Variants in PITRM1 observed in about 807,000 individuals in gnomAD.
PITRM1 encodes the protein pitrilysin metallopeptidase 1.
PITRM1 carries 100 observed loss-of-function variants against 129.9 expected under a neutral mutation model. That is an observed-to-expected ratio of 0.77 (90% CI 0.65 to 0.91). The LOEUF (loss-of-function observed/expected upper bound fraction) is 0.91. Ranked by LOEUF, PITRM1 falls within the 40% of genes least tolerant of loss-of-function variation. The probability of loss-of-function intolerance (pLI) is 0.00; values close to 1 mark genes in which losing one functional copy is unlikely to be tolerated. For missense variants in PITRM1, 1,471 were observed against 1,318.3 expected, an observed-to-expected ratio of 1.12 and a Z score of -1.79; for synonymous variants, 591 against 508.8, an observed-to-expected ratio of 1.16 and a Z score of -2.17.
At chr10:3,160,527 A>G (rs997521794) in intron 7 of PITRM1, among the ~76,000 whole-genome samples, 197 bp from the exon 8 acceptor site, 1 of 152,208 alleles carries the variant, frequency 6.6e-6, no homozygotes, top group East Asian at 1.9e-4. Context: ...AACTTATTAC[A>G]GTATATTGTT....
intron 6 of PITRM1, 104 bp from the exon 7 acceptor site, chr10:3,163,989 G>T: frequency 8.6e-5 from 47 of 545,418 alleles, no homozygotes; most frequent in Middle Eastern, 5.4e-4. Context: ...GCATACACCT[G>T]TAATACTTTG....
intron 9 of PITRM1, 135 bp downstream of exon 9, chr10:3,159,713 C>A: frequency 1.8e-6 from 1 of 552,426 alleles, no homozygotes; most frequent in South Asian, 2.8e-5. Context: ...TTCTCTATTC[C>A]TAAAATCCAC....
At chr10:3,156,037 T>C (rs1841955654) in intron 13 of PITRM1, among the ~76,000 whole-genome samples, 1 of 152,244 alleles carries the variant, frequency 6.6e-6, no homozygotes, top group African/African-American at 2.4e-5. Flanking sequence ...CATTACATCT[T>C]AGTTGTAAAA....
At position 3,167,005 on chromosome 10, in the gene PITRM1, T is replaced by G; in HGVS notation, c.197A>C (p.Lys66Thr). Residue 66 changes from lysine (K) to threonine (T), a missense_variant, in exon 3 of 27, where the codon AAG (lysine) becomes ACG (threonine). By Grantham distance (78) the Lys-to-Thr change is moderately conservative. Coordinates refer to ENST00000224949, the MANE Select transcript of PITRM1 (RefSeq NM_014889.4). ...SVPELFLTAV[K>T]LTHDDTGARY... ...GGCTCCTGTGTCATCATGGGTGAGC[T>G]TCACTGCAGTCAGGAACAGCTCGGG... The G allele has an allele frequency of 1.9e-6, 3 of 1,610,518 alleles. No homozygotes were observed. Among genetic ancestry groups the G allele is most frequent in the Non-Finnish European group, 2.5e-6 (3 of 1,178,242 alleles).
chr10:3,143,422 C>G lies in PITRM1; in HGVS notation c.2612G>C (p.Arg871Pro). 6.2e-7 allele frequency: 1 copy of G among 1,613,148 alleles called. No individual in the cohort carries two copies. The highest frequency in any genetic ancestry group is 8.5e-7 in the Non-Finnish European group (1 of 1,179,130). ...FPVNYVGECI[R>P]TVPYTDPDHA... ...ATCTGGGTCCGTGTAGGGGACAGTT[C>G]GGATGCATTCACCCACGTAATTCAC... Residue 871 changes from arginine to proline, a missense_variant, in exon 23 of 27, where the codon CGA becomes CCA. Arg to Pro is a moderately radical substitution (Grantham distance 103). Coordinates refer to ENST00000224949, the MANE Select transcript of PITRM1 (RefSeq NM_014889.4).
intron 2 of PITRM1, 109 bp downstream of exon 2, chr10:3,169,995 C>A (rs758502057): frequency 1.4e-6 from 1 of 723,392 alleles, no homozygotes; most frequent in Non-Finnish European, 2.3e-6. Context: ...GGCCTTGGGA[C>A]ACAAGGACAA....
At chr10:3,144,680 C>G (rs904621919) in intron 21 of PITRM1, among the ~76,000 whole-genome samples, 3 of 152,114 alleles carry the variant, frequency 2.0e-5, no homozygotes, top group African/African-American at 7.2e-5. Flanking sequence ...TGGTGCACAC[C>G]TGTAGCCCCA....
chr10:3,164,128 G>C, intron 6 of PITRM1: 1 of 242,996 alleles, frequency 4.1e-6, no homozygotes, highest in Non-Finnish European at 7.9e-6. Flanking sequence ...TGGATTTTTT[G>C]ATGTGTGGTG....
At chr10:3,169,728 G>C (rs142408469) in intron 2 of PITRM1, among the ~76,000 whole-genome samples, 7 of 152,210 alleles carry the variant, frequency 4.6e-5, no homozygotes, top group Non-Finnish European at 1.0e-4. Flanking sequence ...TTCTGCGGAC[G>C]TTTAGAGCAA....
At chr10:3,148,629 C>G (rs1374757634) in intron 16 of PITRM1, 2 of 225,054 alleles carry the variant, frequency 8.9e-6, no homozygotes, top group Non-Finnish European at 1.8e-5. Context: ...ATGACTACTC[C>G]CTACTCTCTT....
chr10:3,166,375 T>TGAACGCTAGGGAAGAGAGAGGAATG lies in PITRM1; in HGVS notation c.271_272insCATTCCTCTCTCTTCCCTAGCGTTC (p.Gln91ProfsTer7). The TGAACGCTAGGGAAGAGAGAGGAATG allele has an allele frequency of 7.1e-7, 1 of 1,413,946 alleles. No homozygotes were observed. The allele number at this position is 1,413,946 out of a possible 1,614,324, so 87.6% of individuals were successfully genotyped here. A position where few individuals can be genotyped will look rare whatever the true frequency, so the allele number is the denominator to read the frequency against. The stretch of plus-strand genomic sequence containing the variant: ...ACTGTCCATGGGAGTAGTACGGAAC[T>TGAACGCTAGGGAAGAGAGAGGAATG]GCACGCTAGGGAAGGAGAATGACCA... On this transcript the variant is annotated stop_gained and frameshift_variant, in exon 4 of 27. Coordinates refer to ENST00000224949, the MANE Select transcript of PITRM1 (RefSeq NM_014889.4). LOFTEE classifies it high-confidence loss of function.
At position 3,138,255 on chromosome 10, in the gene PITRM1, C is replaced by G; in HGVS notation, c.3000G>C (p.Lys1000Asn). ...REQLFAVSHD[K>N]LLAVSDRYLG... ...CTCACCTATCGCTCACGGCCAGGAGCTTGTCGTGGCTGACAGCAAAGAGCT... is the reference window on the plus strand; with the variant it reads ...CTCACCTATCGCTCACGGCCAGGAGGTTGTCGTGGCTGACAGCAAAGAGCT... The change falls in exon 26 of 27, where the codon AAG becomes AAC. Residue 1000 changes from lysine to asparagine, a missense_variant. Transcript: ENST00000224949. The G allele has an allele frequency of 6.2e-7, 1 of 1,613,386 alleles. No homozygotes were observed.
chr10:3,150,554 C>A (rs7071887), intron 15 of PITRM1, among the ~76,000 whole-genome samples: 23,973 of 152,102 alleles, frequency 0.16, 1,934 homozygotes, highest in Non-Finnish European at 0.17. Context: ...AGCCATGCTG[C>A]CCTCAGCTCA....
chr10:3,144,217 C>T lies in PITRM1; in HGVS notation c.2532+75G>A, dbSNP rs569516630. 2.5e-4 allele frequency: 202 copies of T among 821,272 alleles called. No homozygotes were observed. In the African/African-American group the frequency reaches 3.0e-3, roughly 12 times the overall value. The allele number at this position is 821,272 out of a possible 1,614,324, so 50.9% of individuals were successfully genotyped here. Reference sequence around the variant, plus strand: ...ACAGACAGGCGGACGGAGGAACATTCGAACATCAGTGGCAGACACAGCCAT... The same window carrying T: ...ACAGACAGGCGGACGGAGGAACATTTGAACATCAGTGGCAGACACAGCCAT... On this transcript the variant is annotated intron_variant, in intron 22 of 26. Transcript: ENST00000224949.
At chr10:3,143,924 G>T in intron 22 of PITRM1, 1 of 518,532 alleles carries the variant, frequency 1.9e-6, no homozygotes. Flanking sequence ...CTGAGTCGCG[G>T]AAAGGATCTG....
chr10:3,163,493 C>T, intron 7 of PITRM1: 1 of 358,002 alleles, frequency 2.8e-6, no homozygotes, highest in Non-Finnish European at 5.1e-6. Flanking sequence ...CTCTGGGGGA[C>T]TCTAAACGCT....
chr10:3,170,243 G>A lies in PITRM1; in HGVS notation c.57-37C>T, dbSNP rs768576241. 6.1e-6 allele frequency: 9 copies of A among 1,463,658 alleles called. No homozygotes were observed. In the African/African-American group the frequency reaches 1.3e-4, roughly 20 times the overall value. The allele number at this position is 1,463,658 out of a possible 1,614,324, so 90.7% of individuals were successfully genotyped here. On this transcript the variant is annotated intron_variant, in intron 1 of 26. Transcript: ENST00000224949. ...GTCATCTAAGTTAGATGAGTTGCAG[G>A]AAAAGTATCTGGCTAACATTATTCA...
chr10:3,157,580 G>T, intron 11 of PITRM1, 49 bp from the exon 12 acceptor site: 1 of 1,226,704 alleles, frequency 8.2e-7, no homozygotes, highest in Non-Finnish European at 1.2e-6. Flanking sequence ...AATGGCTCAT[G>T]CTTGTAATCC....
chr10:3,163,470 G>T, intron 7 of PITRM1: 1 of 285,788 alleles, frequency 3.5e-6, no homozygotes, highest in Non-Finnish European at 6.6e-6. Context: ...CAGGCTGCGG[G>T]GCCAGGACCC....
Sources: allele counts gnomAD v4.1 joint callset (sites outside exome capture counted in the v4.1 genomes callset), GRCh38; gene constraint gnomAD v4.1.1; transcripts MANE v1.5; gene names NCBI Gene and HGNC (gene_info 2026-07-23, HGNC 2026-07-21).